Variants in DOK6 observed in about 807,000 individuals in gnomAD.
The protein encoded by DOK6 is docking protein 6.
In DOK6, 22 loss-of-function variants were observed where a neutral mutation model predicts 44.0. The ratio of observed to expected loss-of-function variants is 0.50; its 90% CI spans 0.36 to 0.71. DOK6 has a LOEUF of 0.71. DOK6 is among the 30% of genes least tolerant of loss of function. The pLI is 0.00. For synonymous variants in DOK6, 166 were observed against 145.5 expected (o/e 1.14, Z -1.01); for missense variants, 340 against 416.4 (o/e 0.82, Z 1.60).
intron 7 of DOK6, among the ~76,000 whole-genome samples, chr18:69,776,122 A>G (rs1279810594): frequency 6.6e-6 from 1 of 152,062 alleles, no homozygotes; most frequent in Admixed American, 6.6e-5. Context: ...AAAAAGGTAC[A>G]TCTTATAAAT....
intron 3 of DOK6, among the ~76,000 whole-genome samples, chr18:69,651,938 A>C (rs1394879238): frequency 1.5e-5 from 1 of 65,460 alleles, no homozygotes; most frequent in Admixed American, 2.1e-4. Flanking sequence ...AAAGGAAACT[A>C]ATTTAAGTTA....
intron 3 of DOK6, among the ~76,000 whole-genome samples, chr18:69,651,337 A>G (rs1985219525): frequency 6.6e-6 from 1 of 152,150 alleles, no homozygotes; most frequent in Non-Finnish European, 1.5e-5. Context: ...TATTTTAGAT[A>G]TAGTCCAATT....
intron 3 of DOK6, among the ~76,000 whole-genome samples, chr18:69,668,893 A>C (rs1456061862): frequency 6.6e-6 from 1 of 152,224 alleles, no homozygotes; most frequent in African/African-American, 2.4e-5. Flanking sequence ...GTACTTTGTC[A>C]ATGAAAAAGT....
At chr18:69,655,756 C>A (rs1985345205) in intron 3 of DOK6, among the ~76,000 whole-genome samples, 1 of 77,924 alleles carries the variant, frequency 1.3e-5, no homozygotes, top group African/African-American at 4.4e-5. Flanking sequence ...CCTTCCCCCA[C>A]CCCTCAAAAA....
chr18:69,605,989 C>T (rs1193570496), intron 3 of DOK6, among the ~76,000 whole-genome samples: 4 of 152,040 alleles, frequency 2.6e-5, no homozygotes, highest in Non-Finnish European at 5.9e-5. Context: ...TAAAAAATCC[C>T]GGCCAGGTGC....
chr18:69,651,581 C>T (rs991546917), intron 3 of DOK6, among the ~76,000 whole-genome samples: 3 of 151,166 alleles, frequency 2.0e-5, no homozygotes, highest in South Asian at 2.1e-4. Context: ...CTCTGCCTCC[C>T]GGGTTCAAGC....
intron 2 of DOK6, among the ~76,000 whole-genome samples, chr18:69,583,832 G>A (rs1983425813): frequency 1.3e-5 from 2 of 151,992 alleles, no homozygotes; most frequent in Non-Finnish European, 2.9e-5. Flanking sequence ...ATTTGGGCTG[G>A]GCGAGGTGGC....
chr18:69,600,470 A>C (rs1365493316), intron 3 of DOK6, among the ~76,000 whole-genome samples: 3 of 152,082 alleles, frequency 2.0e-5, no homozygotes, highest in Non-Finnish European at 4.4e-5. Context: ...ACCTCCTTGC[A>C]TCATTTAAAA....
At chr18:69,617,504 GA>G (rs1156747343) in intron 3 of DOK6, among the ~76,000 whole-genome samples, 5 of 134,680 alleles carry the variant, frequency 3.7e-5, no homozygotes, top group African/African-American at 8.3e-5. Flanking sequence ...AAGAAAGAAA[GA>G]GAAAGAAAGA....
chr18:69,429,697 T>G (rs1338841488), intron 1 of DOK6, among the ~76,000 whole-genome samples: 2 of 147,190 alleles, frequency 1.4e-5, no homozygotes. Flanking sequence ...TTCCTTTTCT[T>G]CCGTACCACC....
intron 2 of DOK6, among the ~76,000 whole-genome samples, chr18:69,592,617 G>A (rs1262978036): frequency 4.6e-5 from 7 of 152,024 alleles, no homozygotes; most frequent in East Asian, 3.8e-4. Flanking sequence ...TATTGATTTG[G>A]ATGTGAACAA....
Position 69,665,164 on chromosome 18 carries a change from G to C in DOK6, c.290-12570G>C, listed in dbSNP as rs1985624070. Among the ~76,000 whole-genome samples, 2 of 151,720 alleles carry C rather than the reference G, an allele frequency of 1.3e-5. 1 individual carries two copies. Among genetic ancestry groups the C allele is most frequent in the South Asian group, 4.2e-4 (2 of 4,808 alleles). On this transcript the variant is annotated intron_variant, in intron 3 of 7. Coordinates refer to ENST00000382713, the MANE Select transcript of DOK6 (RefSeq NM_152721.6). ...CCACTGTACTCCAGCCTGGGTGACA[G>C]AGCAAGACTCCGTCTCAAAAAAAAG...
At chr18:69,644,706 C>T (rs952933686) in intron 3 of DOK6, among the ~76,000 whole-genome samples, 1 of 152,126 alleles carries the variant, frequency 6.6e-6, no homozygotes, top group Non-Finnish European at 1.5e-5. Flanking sequence ...CACTTTATTA[C>T]TCTTTGTCAA....
At chr18:69,600,328 T>A (rs1983842946) in intron 3 of DOK6, among the ~76,000 whole-genome samples, 1 of 152,186 alleles carries the variant, frequency 6.6e-6, no homozygotes, top group Non-Finnish European at 1.5e-5. Context: ...TTTGCCTAAC[T>A]GAAATTGCTC....
chr18:69,600,110 C>T (rs1467260169), intron 3 of DOK6, among the ~76,000 whole-genome samples: 1 of 152,134 alleles, frequency 6.6e-6, no homozygotes, highest in African/African-American at 2.4e-5. Context: ...AAAGATTTTG[C>T]TCAATGCAAT....
At chr18:69,620,994 C>T (rs983511003) in intron 3 of DOK6, among the ~76,000 whole-genome samples, 1 of 152,146 alleles carries the variant, frequency 6.6e-6, no homozygotes, top group East Asian at 1.9e-4. Flanking sequence ...TTCATGGTCA[C>T]TCAGGCATTC....
chr18:69,741,863 A>G (rs1468750898), intron 6 of DOK6, among the ~76,000 whole-genome samples: 2 of 152,138 alleles, frequency 1.3e-5, no homozygotes, highest in Admixed American at 1.3e-4. Context: ...CTAACTCTTC[A>G]TTTACTATTT....
At chr18:69,557,477 G>T (rs1363600992) in intron 1 of DOK6, among the ~76,000 whole-genome samples, 1 of 152,148 alleles carries the variant, frequency 6.6e-6, no homozygotes, top group Non-Finnish European at 1.5e-5. Context: ...ACCTTGAAAA[G>T]GAGAAAGAAC....
At chr18:69,731,987 G>T (rs568747643) in intron 5 of DOK6, among the ~76,000 whole-genome samples, 1 of 152,248 alleles carries the variant, frequency 6.6e-6, no homozygotes, top group South Asian at 2.1e-4. Context: ...GGATAAGAAC[G>T]TATCACTTCT....
Sources: gnomAD v4.1 joint callset for allele counts (sites outside exome capture counted in the v4.1 genomes callset) on GRCh38, gnomAD v4.1.1 for gene constraint, MANE v1.5 for transcripts, NCBI Gene and HGNC (gene_info 2026-07-23, HGNC 2026-07-21) for gene names.